Variants in FOXO1 observed in about 807,000 individuals in gnomAD.
The protein encoded by FOXO1 is forkhead box O1, also known as forkhead box protein O1.
FOXO1 carries 6 observed loss-of-function variants against 44.1 expected under a neutral mutation model. That is an observed-to-expected ratio of 0.14 (90% confidence interval 0.07 to 0.27). The LOEUF (loss-of-function observed/expected upper bound fraction) is 0.27. Among genes scored for constraint, FOXO1 ranks in the 10% least tolerant of loss-of-function variants. The pLI is 1.00. For missense variants in FOXO1, 737 were observed against 888.8 expected, an observed-to-expected ratio of 0.83 and a Z score of 2.17; for synonymous variants, 380 against 362.7, an observed-to-expected ratio of 1.05 and a Z score of -0.54.
chr13:40,632,326 T>TA (rs1271659636), intron 1 of FOXO1, among the ~76,000 whole-genome samples: 1 of 152,102 alleles, frequency 6.6e-6, no homozygotes, highest in Non-Finnish European at 1.5e-5. Flanking sequence ...AAATCATATA[T>TA]ATAAGGGATT....
intron 1 of FOXO1, among the ~76,000 whole-genome samples, chr13:40,608,478 T>C (rs772607259): frequency 5.9e-5 from 9 of 152,196 alleles, no homozygotes; most frequent in Non-Finnish European, 1.2e-4. Flanking sequence ...ATACATACAG[T>C]TGCATGCCAC....
intron 1 of FOXO1, among the ~76,000 whole-genome samples, chr13:40,604,319 T>C (rs1008276094): frequency 4.0e-4 from 61 of 152,136 alleles, no homozygotes; most frequent in Non-Finnish European, 1.9e-4. Context: ...TGTACCTACA[T>C]GTTATTTAAA....
chr13:40,648,573 T>C (rs1219392106), intron 1 of FOXO1, among the ~76,000 whole-genome samples: 1 of 152,206 alleles, frequency 6.6e-6, no homozygotes, highest in Non-Finnish European at 1.5e-5. Flanking sequence ...ATTAATACTT[T>C]CTTAGTGCAT....
In FOXO1 at chr13:40,560,044, C is replaced by T; in HGVS notation, c.1447G>A (p.Gly483Arg). The T allele has an allele frequency of 3.1e-6, 5 of 1,614,118 alleles. No individual in the cohort carries two copies. Among genetic ancestry groups the T allele is most frequent in the Non-Finnish European group, 4.2e-6 (5 of 1,180,028 alleles). Residue 483 changes from glycine (G) to arginine (R), a missense_variant, in exon 2 of 3, where the codon GGG (glycine) becomes AGG (arginine). Coordinates refer to ENST00000379561, the MANE Select transcript of FOXO1 (RefSeq NM_002015.4). This position sits in a 1 kb window ranked among gnomAD's most constrained non-coding sequence, Gnocchi z 5.1. ...ACCCGGCTGTTGGGCTGGGCTACCCCAGGATCAACTGGTGTCATAATGTCA... is the reference window on the plus strand; with the variant it reads ...ACCCGGCTGTTGGGCTGGGCTACCCTAGGATCAACTGGTGTCATAATGTCA... ...HNDIMTPVDP[G>R]VAQPNSRVLG...
At chr13:40,604,481 A>G (rs1875927879) in intron 1 of FOXO1, among the ~76,000 whole-genome samples, 1 of 151,684 alleles carries the variant, frequency 6.6e-6, no homozygotes, top group South Asian at 2.1e-4. Flanking sequence ...ATTTACACTT[A>G]TATTAGAATG....
chr13:40,560,538 C>T lies in FOXO1; in HGVS notation c.953G>A (p.Ser318Asn). Residue 318 changes from serine to asparagine, a missense_variant, in exon 2 of 3, where the codon AGC becomes AAC. By Grantham distance (46) the Ser-to-Asn change is conservative. Transcript: ENST00000379561. The surrounding 1 kb of genome is among the most constrained non-coding windows in gnomAD (Gnocchi z 5.1). ...DNWSTFRPRT[S>N]SNASTISGRL... is the part of the protein sequence containing the mutation. ...CCCACTAATAGTACTAGCATTTGAG[C>T]TAGTTCGAGGGCGAAATGTACTCCA... 6.2e-7 allele frequency: 1 copy of T among 1,614,152 alleles called. No individual in the cohort carries two copies. Among genetic ancestry groups the T allele is most frequent in the Non-Finnish European group, 8.5e-7 (1 of 1,180,026 alleles).
intron 1 of FOXO1, among the ~76,000 whole-genome samples, chr13:40,628,356 TACACACACACACAC>T (rs34314244): frequency 2.1e-5 from 3 of 145,206 alleles, no homozygotes; most frequent in Admixed American, 6.9e-5. Context: ...AAGAGCTGTT[TACACACACACACAC>T]ACACACACAC....
chr13:40,599,410 G>A (rs542444341), intron 1 of FOXO1, among the ~76,000 whole-genome samples: 26 of 152,254 alleles, frequency 1.7e-4, no homozygotes, highest in African/African-American at 4.6e-4. Flanking sequence ...AGCCTTACAC[G>A]ATTGGCACTG....
At position 40,561,064 on chromosome 13, in the gene FOXO1, T is replaced by C. The variant is rs188221095; in HGVS notation, c.631-204A>G. 1.7e-3 allele frequency among the ~76,000 whole-genome samples: 265 copies of C among 152,172 alleles called. 1 individual carries two copies. The highest frequency in any genetic ancestry group is 3.1e-3 in the Non-Finnish European group (209 of 67,990). On this transcript the variant is annotated intron_variant, in intron 1 of 2. Coordinates refer to ENST00000379561, the MANE Select transcript of FOXO1 (RefSeq NM_002015.4). ...AAATAGTATCTTATCTTAAAAACAATATCTGTGGCTGGGTGCGGTGGCTCA... is the reference window on the plus strand; with the variant it reads ...AAATAGTATCTTATCTTAAAAACAACATCTGTGGCTGGGTGCGGTGGCTCA...
intron 1 of FOXO1, among the ~76,000 whole-genome samples, chr13:40,650,450 C>T (rs1197732812): frequency 6.6e-6 from 1 of 152,186 alleles, no homozygotes; most frequent in Non-Finnish European, 1.5e-5. Flanking sequence ...TGCTCTGGTT[C>T]ACACGCCTCT....
chr13:40,598,428 T>C lies in FOXO1; in HGVS notation c.631-37568A>G, dbSNP rs185670610. Among the ~76,000 whole-genome samples, 17 of 152,202 alleles carry C rather than the reference T, an allele frequency of 1.1e-4. No homozygotes were observed. In the East Asian group the frequency reaches 2.1e-3, roughly 19 times the overall value. On this transcript the variant is annotated intron_variant, in intron 1 of 2. Transcript: ENST00000379561. ...ATTCATGACCATTTCTGATATATTA[T>C]TTGCAAGAGGGAACAAAAACAAACG...
intron 1 of FOXO1, among the ~76,000 whole-genome samples, chr13:40,579,145 G>A (rs1874869405): frequency 6.6e-6 from 1 of 152,108 alleles, no homozygotes; most frequent in African/African-American, 2.4e-5. Flanking sequence ...AAGCATAAAG[G>A]GCTACGTATT....
intron 1 of FOXO1, among the ~76,000 whole-genome samples, chr13:40,597,622 G>C (rs751144112): frequency 1.3e-5 from 2 of 152,086 alleles, no homozygotes; most frequent in African/African-American, 4.8e-5. Context: ...ATCTTCCCCC[G>C]GTGAAGGGTC....
chr13:40,630,373 A>AG (rs544797925), intron 1 of FOXO1, among the ~76,000 whole-genome samples: 113 of 152,230 alleles, frequency 7.4e-4, no homozygotes, highest in South Asian at 4.4e-3. Flanking sequence ...TGGAAAAACC[A>AG]GCCTGGTGCA....
At chr13:40,568,939 TACAAAAAATAGA>T (rs1204768954) in intron 1 of FOXO1, among the ~76,000 whole-genome samples, 1 of 151,326 alleles carries the variant, frequency 6.6e-6, no homozygotes, top group Non-Finnish European at 1.5e-5. Context: ...GGTGTTCATT[TACAAAAAATAGA>T]ACCACATGGA....
At chr13:40,586,275 T>C (rs778677396) in intron 1 of FOXO1, among the ~76,000 whole-genome samples, 17 of 152,202 alleles carry the variant, frequency 1.1e-4, no homozygotes, top group Non-Finnish European at 2.1e-4. Context: ...TACTGTAAAA[T>C]GGATTTCTCA....
intron 1 of FOXO1, among the ~76,000 whole-genome samples, chr13:40,564,774 G>A (rs191103639): frequency 1.3e-5 from 2 of 149,844 alleles, no homozygotes; most frequent in African/African-American, 4.8e-5. Flanking sequence ...TCTACATGAC[G>A]GCACTAGAGA....
intron 1 of FOXO1, chr13:40,562,781 T>C (rs1250586983): frequency 6.6e-6 from 1 of 152,306 alleles, no homozygotes; most frequent in African/African-American, 2.4e-5. Flanking sequence ...GAGAAAGCCA[T>C]GGTTTGATTC....
At chr13:40,586,768 T>C (rs1875182540) in intron 1 of FOXO1, among the ~76,000 whole-genome samples, 1 of 152,184 alleles carries the variant, frequency 6.6e-6, no homozygotes, top group Middle Eastern at 3.2e-3. Flanking sequence ...AGACTGCCCC[T>C]CTGTCTTTCC....
Sources: gnomAD v4.1 joint callset for allele counts (sites outside exome capture counted in the v4.1 genomes callset) on GRCh38, gnomAD v4.1.1 for gene constraint, Gnocchi (gnomAD v3.1) non-coding constraint, MANE v1.5 for transcripts, NCBI Gene and HGNC (gene_info 2026-07-23, HGNC 2026-07-21) for gene names.